The following JMJD1C variants were observed in gnomAD, a reference collection of about 807,000 sequenced individuals.
JMJD1C encodes jumonji domain-containing protein 1C.
Under a neutral mutation model 245.3 loss-of-function variants are expected in JMJD1C, and 31 were observed. The observed-to-expected ratio is 0.13, with a 90% CI of 0.09 to 0.17. The LOEUF is 0.17. Ranked by LOEUF, JMJD1C falls within the 10% of genes least tolerant of loss-of-function variation. JMJD1C has a pLI of 1.00. For synonymous variants in JMJD1C, 1,057 were observed against 1,017.4 expected (o/e 1.04, Z -0.74); for missense variants, 2,691 against 3,000.2 (o/e 0.90, Z 2.41).
At chr10:63,499,857 T>C (rs1397724508) in intron 1 of JMJD1C, among the ~76,000 whole-genome samples, 2 of 152,246 alleles carry the variant, frequency 1.3e-5, no homozygotes, top group African/African-American at 4.8e-5. Flanking sequence ...AAATCATTAT[T>C]GAATAAATCC....
intron 4 of JMJD1C, 24 bp downstream of exon 4, chr10:63,219,854 A>T: frequency 6.4e-7 from 1 of 1,557,574 alleles, no homozygotes. Flanking sequence ...AAAAAAATTT[A>T]ATGCATAACT....
intron 3 of JMJD1C, among the ~76,000 whole-genome samples, chr10:63,246,064 T>C (rs368757008): frequency 1.3e-5 from 2 of 152,066 alleles, no homozygotes; most frequent in East Asian, 3.9e-4. Flanking sequence ...GAAATGAAGA[T>C]AACCTAAAAG....
At chr10:63,466,038 C>A, upstream of JMJD1C, 1 of 238,088 alleles carries the variant, frequency 4.2e-6, no homozygotes. Context: ...CCGGCGCGGG[C>A]GGGGCAGCAG....
At chr10:63,183,597 C>T in intron 21 of JMJD1C, 28 bp from the exon 22 acceptor site, 3 of 1,355,144 alleles carry the variant, frequency 2.2e-6, no homozygotes, top group African/African-American at 2.9e-5. Context: ...TTTTACTTGA[C>T]AAAATATTTA....
Position 63,340,401 on chromosome 10 carries a change from T to C in JMJD1C, c.333+39917A>G, listed in dbSNP as rs1012589476. Among the ~76,000 whole-genome samples, 4 of 152,220 alleles carry C rather than the reference T, an allele frequency of 2.6e-5. No homozygotes were observed. The South Asian group carries it at 8.3e-4, about 31-fold the overall frequency. On this transcript the variant is annotated intron_variant, in intron 2 of 25. Transcript: ENST00000399262. ...TGGAGCCAAGACCTATGTGCATTGC[T>C]CACTGTGTGTGTGTGGTTTTTTGTT...
intron 3 of JMJD1C, among the ~76,000 whole-genome samples, chr10:63,230,433 T>A (rs544495054): frequency 6.6e-6 from 1 of 152,314 alleles, no homozygotes; most frequent in Non-Finnish European, 1.5e-5. Flanking sequence ...CCATTCATTT[T>A]CACAGCATCA....
intron 1 of JMJD1C, among the ~76,000 whole-genome samples, chr10:63,521,056 A>C (rs1473750148): frequency 6.6e-6 from 1 of 152,152 alleles, no homozygotes; most frequent in Non-Finnish European, 1.5e-5. Context: ...CTTTTCACAC[A>C]GGCACTGCCA....
chr10:63,227,007 G>A (rs1849370100), intron 3 of JMJD1C, among the ~76,000 whole-genome samples: 1 of 152,136 alleles, frequency 6.6e-6, no homozygotes, highest in South Asian at 2.1e-4. Context: ...GGCAGAAGTT[G>A]CAGTGAGCCT....
intron 3 of JMJD1C, among the ~76,000 whole-genome samples, chr10:63,223,465 C>A (rs956690929): frequency 6.6e-6 from 1 of 151,718 alleles, no homozygotes; most frequent in South Asian, 2.1e-4. Flanking sequence ...TGGACTCAAG[C>A]GATCTGCCCA....
chr10:63,178,712 T>C (rs549554650), intron 22 of JMJD1C, among the ~76,000 whole-genome samples: 1 of 152,308 alleles, frequency 6.6e-6, no homozygotes, highest in East Asian at 1.9e-4. Flanking sequence ...GTTGTGGTTT[T>C]GAGGAAAATC....
chr10:63,311,046 G>A (rs772687923), intron 2 of JMJD1C, among the ~76,000 whole-genome samples: 3 of 152,090 alleles, frequency 2.0e-5, no homozygotes, highest in Non-Finnish European at 4.4e-5. Context: ...AGAGATGTAT[G>A]AGAATGTCTA....
At chr10:63,224,743 GT>G (rs1849034195) in intron 3 of JMJD1C, among the ~76,000 whole-genome samples, 1 of 152,110 alleles carries the variant, frequency 6.6e-6, no homozygotes, top group Non-Finnish European at 1.5e-5. Flanking sequence ...GTCTTCAGCT[GT>G]GCCTTGAGCT....
chr10:63,291,233 G>A (rs559779495), intron 2 of JMJD1C, among the ~76,000 whole-genome samples: 8 of 146,936 alleles, frequency 5.4e-5, no homozygotes, highest in African/African-American at 1.5e-4. Context: ...GCTTGAACCC[G>A]GGAGGCAGAG....
At chr10:63,487,056 A>G in intron 1 of JMJD1C, among the ~76,000 whole-genome samples, 1 of 152,232 alleles carries the variant, frequency 6.6e-6, no homozygotes. Context: ...GAGGACAAAG[A>G]TAATAGCTTC....
rs532022154 is a variant in JMJD1C at position 63,348,755 on chromosome 10, T to C, written c.333+31563A>G. Among the ~76,000 whole-genome samples, 22 of 152,208 alleles carry C rather than the reference T, an allele frequency of 1.4e-4. No homozygotes were observed. In the South Asian group the frequency reaches 4.4e-3, roughly 30 times the overall value. On this transcript the variant is annotated intron_variant, in intron 2 of 25. Transcript: ENST00000399262. ...GACGTATCCTTTGAATGGCTTGGTG[T>C]CCTTTTCAAGATAATGGGTGAGTTC...
chr10:63,288,289 T>C (rs1858216554), intron 2 of JMJD1C, among the ~76,000 whole-genome samples: 2 of 152,218 alleles, frequency 1.3e-5, no homozygotes, highest in Non-Finnish European at 2.9e-5. Flanking sequence ...CTTAGTAAAA[T>C]GCATTTTTCT....
At chr10:63,457,666 G>A (rs1477271756) in intron 1 of JMJD1C, among the ~76,000 whole-genome samples, 1 of 152,098 alleles carries the variant, frequency 6.6e-6, no homozygotes. Context: ...GAAAGAGAAA[G>A]GGCTCAGAAA....
rs370041793 is a variant in JMJD1C, at chr10:63,381,255, C to G, written c.169-773G>C. Among the ~76,000 whole-genome samples the G allele has an allele frequency of 3.1e-4, 47 of 152,262 alleles. No individual in the cohort carries two copies. The East Asian group carries it at 4.8e-3, about 16-fold the overall frequency. ...GCATGGTGGCTCATGCCTGTAATGC[C>G]AGCACTTTGGGAGGAGGAGATGGGA... is the stretch of plus-strand genomic sequence containing the variant. On this transcript the variant is annotated intron_variant, in intron 1 of 25. Transcript: ENST00000399262.
chr10:63,243,700 T>C (rs1851808350), intron 3 of JMJD1C, among the ~76,000 whole-genome samples: 1 of 152,122 alleles, frequency 6.6e-6, no homozygotes, highest in Non-Finnish European at 1.5e-5. Flanking sequence ...AATGACAATG[T>C]TTGGGTTCAC....
Sources: gnomAD v4.1 joint callset for allele counts (sites outside exome capture counted in the v4.1 genomes callset) on GRCh38, gnomAD v4.1.1 for gene constraint, MANE v1.5 for transcripts, NCBI Gene and HGNC (gene_info 2026-07-23, HGNC 2026-07-21) for gene names.